EDEM3: variants seen among roughly 807,000 people sequenced by gnomAD.
EDEM3 encodes ER degradation enhancing alpha-mannosidase like protein 3, also known as ER degradation-enhancing alpha-mannosidase-like protein 3.
In EDEM3, 60 loss-of-function variants were observed where a neutral mutation model predicts 110.2. The ratio of observed to expected loss-of-function variants is 0.54; its 90% CI spans 0.44 to 0.67. The LOEUF (loss-of-function observed/expected upper bound fraction) is 0.67, where lower values mean the gene tolerates loss of function less well. Among genes scored for constraint, EDEM3 ranks in the 30% least tolerant of loss-of-function variants. The pLI, the probability that EDEM3 is intolerant of heterozygous loss-of-function variation, is 0.00. For missense variants in EDEM3, 996 were observed against 1,121.0 expected (o/e 0.89, Z 1.59); for synonymous variants, 352 against 382.9 (o/e 0.92, Z 0.94).
intron 1 of EDEM3, among the ~76,000 whole-genome samples, chr1:184,751,890 A>AT (rs1652788207): frequency 6.6e-6 from 1 of 152,160 alleles, no homozygotes; most frequent in African/African-American, 2.4e-5. Context: ...AGTAGCTGGG[A>AT]TTAAGGGCAT....
At chr1:184,732,761 G>T in intron 6 of EDEM3, 76 bp downstream of exon 6, 3 of 1,430,210 alleles carry the variant, frequency 2.1e-6, no homozygotes, top group Admixed American at 4.4e-5. Flanking sequence ...AAGAACAATG[G>T]CTCTGATCAC....
Position 184,740,297 on chromosome 1 carries a change from G to T in EDEM3, c.205-2586C>A, listed in dbSNP as rs142189545. The stretch of plus-strand genomic sequence containing the variant: ...TTCTCCCCCTCAATATAGGATTTTT[G>T]TCAGTTATGTTATTAGAGGGAGTCT... On this transcript the variant is annotated intron_variant, in intron 2 of 19. Coordinates refer to ENST00000318130, the MANE Select transcript of EDEM3 (RefSeq NM_025191.4). 3.1e-3 allele frequency among the ~76,000 whole-genome samples: 474 copies of T among 152,118 alleles called. 1 individual carries two copies. Among genetic ancestry groups the T allele is most frequent in the African/African-American group, 0.011 (446 of 41,490 alleles).
At chr1:184,724,095 C>T (rs1382236120) in intron 7 of EDEM3, among the ~76,000 whole-genome samples, 1 of 152,022 alleles carries the variant, frequency 6.6e-6, no homozygotes, top group East Asian at 1.9e-4. Flanking sequence ...GGAAGGCTCA[C>T]TTTGATGGCT....
At chr1:184,748,386 G>A (rs1197811654) in intron 2 of EDEM3, among the ~76,000 whole-genome samples, 1 of 151,820 alleles carries the variant, frequency 6.6e-6, no homozygotes, top group Non-Finnish European at 1.5e-5. Context: ...GGTGGTGGCT[G>A]CAGTGAGCTG....
At position 184,704,649 on chromosome 1, in the gene EDEM3, CAAAAAAAAAAAAAA is replaced by C. The variant is rs58913815; in HGVS notation, c.2204-1667_2204-1654del. 1.8e-3 allele frequency among the ~76,000 whole-genome samples: 55 copies of C among 29,914 alleles called. 1 individual carries two copies. Among genetic ancestry groups the C allele is most frequent in the Admixed American group, 0.016 (24 of 1,496 alleles). 19.6% of individuals were successfully genotyped at this position (29,914 alleles called of 152,430 possible). ...TGGGTGACAAAGCAAGACTCTGTCT[CAAAAAAAAAAAAAA>C]AAAAAAAAAAAAAAAAATTTCTGAG... On this transcript the variant is annotated intron_variant, in intron 18 of 19. Transcript: ENST00000318130.
rs1021058991 is a variant in EDEM3 at position 184,749,481 on chromosome 1, A to G, written c.204+66T>C. 1.3e-5 allele frequency: 16 copies of G among 1,236,492 alleles called. No homozygotes were observed. The African/African-American group carries it at 2.5e-4, about 19-fold the overall frequency. The allele number at this position is 1,236,492 out of a possible 1,614,324, so 76.6% of individuals were successfully genotyped here. On this transcript the variant is annotated intron_variant, in intron 2 of 19. Transcript: ENST00000318130. ...TTGTATTGTAGGTTTCAAAATTCCC[A>G]GTTGACTGTGCTCACATAATAATCA...
intron 1 of EDEM3, among the ~76,000 whole-genome samples, chr1:184,751,243 AAAG>A (rs1652749446): frequency 6.6e-6 from 1 of 151,852 alleles, no homozygotes; most frequent in South Asian, 2.1e-4. Flanking sequence ...CAGAAAAAAA[AAAG>A]TTTAAAATGT....
rs1410261594 is a variant in EDEM3 at position 184,754,604 on chromosome 1, G to A, written c.43C>T (p.Gln15Ter). ...GCCACTAGTCTCCATCGCGCTCGCT[G>A]GGGAACCGGGGACCCACAGCCCCGG... ...GGRGCGSPVP[Q>*]RARWRLVAAT... The change falls in exon 1 of 20, where the codon CAG (glutamine) becomes TAG (stop). Residue 15 changes from glutamine (Q) to a stop codon, truncating the protein, a stop_gained. Coordinates refer to ENST00000318130, the MANE Select transcript of EDEM3 (RefSeq NM_025191.4). LOFTEE classifies it high-confidence loss of function. The A allele has an allele frequency of 1.2e-6, 2 of 1,607,654 alleles. No individual in the cohort carries two copies. Among genetic ancestry groups the A allele is most frequent in the African/African-American group, 2.7e-5 (2 of 74,758 alleles).
intron 19 of EDEM3, among the ~76,000 whole-genome samples, chr1:184,700,222 T>C: frequency 6.6e-6 from 1 of 151,926 alleles, no homozygotes; most frequent in South Asian, 2.1e-4. Flanking sequence ...ACTAATGGCA[T>C]GGACTTATCA....
chr1:184,719,251 A>G lies in EDEM3; in HGVS notation c.1078-6T>C. 1 of 1,549,750 alleles carries G rather than the reference A, an allele frequency of 6.5e-7. No individual in the cohort carries two copies. The highest frequency in any genetic ancestry group is 2.2e-5 in the Admixed American group (1 of 45,786). On this transcript the variant is annotated splice_polypyrimidine_tract_variant and splice_region_variant and intron_variant, in intron 10 of 19. Coordinates refer to ENST00000318130, the MANE Select transcript of EDEM3 (RefSeq NM_025191.4). ...CTAATATCCCCCTTTAACACCTAGA[A>G]ATCAACAACAATAAAATTACCTAAT...
chr1:184,707,604 G>A (rs1016273756), intron 17 of EDEM3, among the ~76,000 whole-genome samples: 1 of 152,204 alleles, frequency 6.6e-6, no homozygotes, highest in Non-Finnish European at 1.5e-5. Context: ...CTTGGGCTCT[G>A]GTCCCAGCTC....
intron 6 of EDEM3, among the ~76,000 whole-genome samples, chr1:184,728,516 T>A (rs1303687721): frequency 6.6e-6 from 1 of 152,224 alleles, no homozygotes; most frequent in Non-Finnish European, 1.5e-5. Context: ...ATAAAATTTG[T>A]AAAAGGACTA....
intron 6 of EDEM3, 113 bp downstream of exon 6, chr1:184,732,724 C>A: frequency 2.9e-6 from 3 of 1,045,030 alleles, no homozygotes; most frequent in South Asian, 2.0e-5. Context: ...AGCTTTGAAG[C>A]ATTTTTTTTT....
At position 184,708,175 on chromosome 1, in the gene EDEM3, A is replaced by C. The variant is rs1650035600; in HGVS notation, c.2015T>G (p.Leu672Arg). 1.2e-6 allele frequency: 2 copies of C among 1,613,278 alleles called. No homozygotes were observed. The highest frequency in any genetic ancestry group is 3.3e-5 in the Admixed American group (2 of 59,870). The change falls in exon 17 of 20, where the codon CTG (leucine) becomes CGG (arginine). Residue 672 changes from leucine to arginine, a missense_variant. Around this residue, in one of 5 missense-constraint regions of EDEM3, gnomAD observed 345 missense variants for 402.0 expected, o/e 0.86. Coordinates refer to ENST00000318130, the MANE Select transcript of EDEM3 (RefSeq NM_025191.4). ...TACCTCTTTATGTTTAGACAGATCCAGCCCAAACTGAGCTGGTCCAGCAGT... is the reference window on the plus strand; with the variant it reads ...TACCTCTTTATGTTTAGACAGATCCCGCCCAAACTGAGCTGGTCCAGCAGT... Reference protein sequence around the residue: ...VLTAGPAQFGLDLSKHKETRG... With the variant: ...VLTAGPAQFGRDLSKHKETRG...
intron 19 of EDEM3, among the ~76,000 whole-genome samples, chr1:184,696,878 T>C (rs1649358792): frequency 6.6e-6 from 1 of 151,898 alleles, no homozygotes; most frequent in South Asian, 2.1e-4. Flanking sequence ...GATAAAAAAC[T>C]CTCCTAGGGT....
chr1:184,704,360 A>G (rs1649793226), intron 18 of EDEM3, among the ~76,000 whole-genome samples: 1 of 152,110 alleles, frequency 6.6e-6, no homozygotes, highest in Non-Finnish European at 1.5e-5. Flanking sequence ...TTCTCATTAA[A>G]AATTAAATTT....
At chr1:184,739,143 G>A (rs1439190379) in intron 2 of EDEM3, among the ~76,000 whole-genome samples, 7 of 150,950 alleles carry the variant, frequency 4.6e-5, no homozygotes, top group Admixed American at 6.6e-5. Flanking sequence ...AACTTTTTGC[G>A]AACACATTTC....
At chr1:184,729,690 G>C (rs1471142206) in intron 6 of EDEM3, among the ~76,000 whole-genome samples, 2 of 152,076 alleles carry the variant, frequency 1.3e-5, no homozygotes, top group African/African-American at 4.8e-5. Context: ...GTATAAGAAA[G>C]GATGGGACAG....
At chr1:184,716,769 G>T in intron 13 of EDEM3, 119 bp downstream of exon 13, 1 of 1,353,182 alleles carries the variant, frequency 7.4e-7, no homozygotes, top group Non-Finnish European at 9.9e-7. Context: ...GTAAACACAA[G>T]GAACAAAGGT....
Sources: allele counts gnomAD v4.1 joint callset (sites outside exome capture counted in the v4.1 genomes callset), GRCh38; gene constraint gnomAD v4.1.1; regional missense constraint gnomAD v4.1.1; transcripts MANE v1.5; gene names NCBI Gene and HGNC (gene_info 2026-07-23, HGNC 2026-07-21).